The following VPS13D variants were observed in gnomAD, a reference collection of about 807,000 sequenced individuals.
VPS13D encodes the protein intermembrane lipid transfer protein VPS13D.
A neutral mutation model predicts 461.9 loss-of-function variants in VPS13D; 187 were observed. That is an observed-to-expected ratio of 0.40 (90% CI 0.36 to 0.46). The LOEUF (loss-of-function observed/expected upper bound fraction) is 0.46, where lower values mean the gene tolerates loss of function less well. VPS13D is among the 20% of genes least tolerant of loss of function. The pLI is 0.60. For synonymous variants in VPS13D, 1,951 were observed against 1,986.3 expected, an observed-to-expected ratio of 0.98 and a Z score of 0.47; for missense variants, 4,711 against 5,364.9, an observed-to-expected ratio of 0.88 and a Z score of 3.81.
chr1:12,435,580 G>C (rs1292813690), intron 65 of VPS13D, among the ~76,000 whole-genome samples: 1 of 152,122 alleles, frequency 6.6e-6, no homozygotes, highest in Non-Finnish European at 1.5e-5. Context: ...TGGAATGCTA[G>C]TTTGTAAATG....
At chr1:12,459,969 T>G (rs977312669) in intron 66 of VPS13D, among the ~76,000 whole-genome samples, 4 of 135,644 alleles carry the variant, frequency 2.9e-5, no homozygotes, top group African/African-American at 9.6e-5. Flanking sequence ...TTTTTTTTTT[T>G]GAACTGGAGC....
chr1:12,435,280 C>CA (rs779024605), intron 65 of VPS13D, among the ~76,000 whole-genome samples: 94 of 125,678 alleles, frequency 7.5e-4, no homozygotes, highest in East Asian at 3.1e-3. Context: ...GCAACATGAC[C>CA]AAAAAAAAAA....
At chr1:12,258,205 G>A in intron 10 of VPS13D, 102 bp downstream of exon 10, 1 of 1,383,658 alleles carries the variant, frequency 7.2e-7, no homozygotes, top group African/African-American at 1.4e-5. Context: ...AAAGTCCCAT[G>A]CCAAAGGGGC....
intron 67 of VPS13D, among the ~76,000 whole-genome samples, chr1:12,485,024 A>G (rs192395781): frequency 1.7e-4 from 26 of 152,318 alleles, no homozygotes; most frequent in Non-Finnish European, 3.5e-4. Context: ...GGATAAAAAA[A>G]GATGGATCAA....
intron 44 of VPS13D, among the ~76,000 whole-genome samples, chr1:12,347,210 G>A (rs1643695405): frequency 6.6e-6 from 1 of 151,138 alleles, no homozygotes; most frequent in Admixed American, 6.6e-5. Flanking sequence ...TCGCTCTGTT[G>A]CCCAGGCTGG....
chr1:12,349,808 G>A (rs1557725510), intron 46 of VPS13D, among the ~76,000 whole-genome samples: 1 of 152,112 alleles, frequency 6.6e-6, no homozygotes, highest in East Asian at 1.9e-4. Context: ...TGAGAACTTT[G>A]ACAAAATTGC....
chr1:12,429,042 C>T lies in VPS13D; in HGVS notation c.12333+12215C>T, dbSNP rs114437141. 5.1e-3 allele frequency among the ~76,000 whole-genome samples: 760 copies of T among 150,308 alleles called. 5 individuals carry two copies. The highest frequency in any genetic ancestry group is 0.016 in the African/African-American group (640 of 41,024). On this transcript the variant is annotated intron_variant, in intron 65 of 69. Coordinates refer to ENST00000620676, the MANE Select transcript of VPS13D (RefSeq NM_015378.4). ...GCTGGAGACAAAAGATGGAATGCAA[C>T]GGTCTGTATTTATTTGCATCCCAGA...
In VPS13D at chr1:12,311,623, C is replaced by A; in HGVS notation, c.6820C>A (p.His2274Asn). ...RPYDLQDPRI[H>N]TVLSGEVYTC... ...TTATGATTTACAAGATCCAAGAATT[C>A]ATGTGAGTGAGACCTTATGTTCTTC... The change falls in exon 28 of 70, where the codon CAT becomes AAT. Residue 2274 changes from histidine (H) to asparagine (N), a missense_variant and splice_region_variant. This residue lies in a region of VPS13D where 4,411 missense variants were observed against 4,937.8 expected (regional missense o/e 0.89). Coordinates refer to ENST00000620676, the MANE Select transcript of VPS13D (RefSeq NM_015378.4). 1.9e-6 allele frequency: 3 copies of A among 1,613,912 alleles called. No homozygotes were observed. The highest frequency in any genetic ancestry group is 2.5e-6 in the Non-Finnish European group (3 of 1,179,878).
intron 40 of VPS13D, among the ~76,000 whole-genome samples, chr1:12,340,185 A>AT (rs202179277): frequency 4.7e-5 from 7 of 149,054 alleles, no homozygotes; most frequent in South Asian, 4.3e-4. Flanking sequence ...ATGAGCACTA[A>AT]TTTTTTTTTT....
intron 50 of VPS13D, among the ~76,000 whole-genome samples, chr1:12,360,096 A>G (rs1216792671): frequency 1.3e-5 from 2 of 152,212 alleles, no homozygotes; most frequent in African/African-American, 2.4e-5. Flanking sequence ...GATTACCCAT[A>G]TAAGCTGTTA....
chr1:12,279,366 G>A lies in VPS13D; in HGVS notation c.4451-133G>A, dbSNP rs1022928878. ...AGGTTTGCTCTCAATCATAGACCCC[G>A]GGTGCCAGGCTAACCTGCCCTCCTG... On this transcript the variant is annotated intron_variant, in intron 19 of 69. Coordinates refer to ENST00000620676, the MANE Select transcript of VPS13D (RefSeq NM_015378.4). The surrounding 1 kb of genome is among the most constrained non-coding windows in gnomAD (Gnocchi z 4.3). 2.1e-5 allele frequency: 21 copies of A among 985,082 alleles called. No homozygotes were observed. Among genetic ancestry groups the A allele is most frequent in the African/African-American group, 3.2e-5 (2 of 61,756 alleles). 61.0% of individuals were successfully genotyped at this position (985,082 alleles called of 1,614,324 possible). A position where few individuals can be genotyped will look rare whatever the true frequency, so the allele number is the denominator to read the frequency against.
intron 32 of VPS13D, among the ~76,000 whole-genome samples, chr1:12,321,107 C>A (rs933052315): frequency 6.6e-6 from 1 of 151,998 alleles, no homozygotes; most frequent in Non-Finnish European, 1.5e-5. Flanking sequence ...GGAGTCCTTT[C>A]TCTCTCTCTC....
At chr1:12,244,927 G>A (rs1640499420) in intron 5 of VPS13D, among the ~76,000 whole-genome samples, 1 of 152,120 alleles carries the variant, frequency 6.6e-6, no homozygotes, top group Admixed American at 6.5e-5. Flanking sequence ...AAGGATTTAT[G>A]GCCTAAGAAT....
At chr1:12,403,484 T>G (rs888814253) in intron 62 of VPS13D, among the ~76,000 whole-genome samples, 25 of 152,246 alleles carry the variant, frequency 1.6e-4, no homozygotes, top group African/African-American at 5.8e-4. Flanking sequence ...TAAATTTAGA[T>G]AATCTGGGTC....
chr1:12,388,909 C>T (rs2101659556), intron 60 of VPS13D, among the ~76,000 whole-genome samples: 1 of 152,260 alleles, frequency 6.6e-6, no homozygotes, highest in South Asian at 2.1e-4. Context: ...ACTAGATTAA[C>T]ATCAGACGGA....
At chr1:12,499,334 C>T (rs552033910) in intron 68 of VPS13D, 5 of 414,664 alleles carry the variant, frequency 1.2e-5, no homozygotes, top group South Asian at 2.0e-4. Flanking sequence ...TGTTCACATG[C>T]GTCCATTTTC....
chr1:12,463,841 G>T (rs1300897785), intron 67 of VPS13D, among the ~76,000 whole-genome samples: 1 of 152,184 alleles, frequency 6.6e-6, no homozygotes, highest in Non-Finnish European at 1.5e-5. Context: ...GTCAAGTCAA[G>T]ACATCTATGT....
chr1:12,448,105 T>A (rs1010494403), intron 65 of VPS13D, among the ~76,000 whole-genome samples: 10 of 152,158 alleles, frequency 6.6e-5, no homozygotes, highest in African/African-American at 2.4e-4. Flanking sequence ...TGGGTGGTGT[T>A]CTCCCTGTTT....
intron 38 of VPS13D, among the ~76,000 whole-genome samples, chr1:12,334,697 C>G (rs1396029218): frequency 6.6e-6 from 1 of 152,168 alleles, no homozygotes; most frequent in Non-Finnish European, 1.5e-5. Context: ...TGCAGGAGTT[C>G]AAAGTTACAG....
Sources: gnomAD v4.1 joint callset for allele counts (sites outside exome capture counted in the v4.1 genomes callset) on GRCh38, gnomAD v4.1.1 for gene constraint, gnomAD v4.1.1 regional missense constraint, Gnocchi (gnomAD v3.1) non-coding constraint, MANE v1.5 for transcripts, NCBI Gene and HGNC (gene_info 2026-07-23, HGNC 2026-07-21) for gene names.